The following LUZP2 variants were observed in gnomAD, a reference collection of about 807,000 sequenced individuals.
LUZP2 encodes the protein leucine zipper protein 2.
A neutral mutation model predicts 51.6 loss-of-function variants in LUZP2; 52 were observed. The observed-to-expected ratio is 1.01, with a 90% CI of 0.81 to 1.27. The LOEUF is 1.27. Ranked by LOEUF, LUZP2 falls within the 50% of genes most tolerant of loss-of-function variation. The pLI, the probability that LUZP2 is intolerant of heterozygous loss-of-function variation, is 0.00. For missense variants in LUZP2, 436 were observed against 395.4 expected, an observed-to-expected ratio of 1.10 and a Z score of -0.87; for synonymous variants, 154 against 137.3, an observed-to-expected ratio of 1.12 and a Z score of -0.85.
chr11:24,747,900 C>T (rs1050831181), intron 4 of LUZP2, among the ~76,000 whole-genome samples: 1 of 152,106 alleles, frequency 6.6e-6, no homozygotes, highest in Non-Finnish European at 1.5e-5. Flanking sequence ...GTCTCACTCC[C>T]ACCGTGTCCC....
rs66554611 is a variant in LUZP2, at chr11:24,619,005, ATTATTTATTTATTTAT to A, written c.63-110137_63-110122del. ...ATTTTTGTAATTCTAACCACTTAGC[ATTATTTATTTATTTAT>A]TTATTTATTTATTTATTTATTTATT... On this transcript the variant is annotated intron_variant, in intron 1 of 11. Transcript: ENST00000336930. Among the ~76,000 whole-genome samples the A allele has an allele frequency of 8.3e-4, 119 of 144,032 alleles. 2 individuals carry two copies. The highest frequency in any genetic ancestry group is 3.7e-3 in the Middle Eastern group (1 of 268). The allele number at this position is 144,032 out of a possible 152,430, so 94.5% of individuals were successfully genotyped here.
intron 9 of LUZP2, among the ~76,000 whole-genome samples, chr11:25,048,041 C>G (rs377306404): frequency 6.6e-6 from 1 of 152,096 alleles, no homozygotes; most frequent in East Asian, 1.9e-4. Context: ...GCACTCCTGA[C>G]CTCAAGAGAT....
chr11:24,981,222 T>TA, intron 8 of LUZP2, among the ~76,000 whole-genome samples: 1 of 151,792 alleles, frequency 6.6e-6, no homozygotes, highest in East Asian at 1.9e-4. Context: ...TCTGTTAAGT[T>TA]AGAGGAACTT....
intron 1 of LUZP2, among the ~76,000 whole-genome samples, chr11:24,598,856 C>T (rs891225578): frequency 6.6e-5 from 10 of 152,130 alleles, no homozygotes; most frequent in Non-Finnish European, 1.5e-4. Context: ...TTGTTGCCAA[C>T]ACTACAAGCC....
intron 10 of LUZP2, among the ~76,000 whole-genome samples, chr11:25,061,503 G>A (rs1858835905): frequency 6.6e-6 from 1 of 152,134 alleles, no homozygotes; most frequent in African/African-American, 2.4e-5. Context: ...TAGATCTCCT[G>A]TATAATTGAA....
At chr11:24,915,326 T>C (rs1259537150) in intron 7 of LUZP2, among the ~76,000 whole-genome samples, 2 of 152,064 alleles carry the variant, frequency 1.3e-5, no homozygotes, top group Non-Finnish European at 2.9e-5. Context: ...ATAACAACCC[T>C]CAACTTACTG....
chr11:24,513,420 A>G (rs1466944224), intron 1 of LUZP2, among the ~76,000 whole-genome samples: 1 of 152,170 alleles, frequency 6.6e-6, no homozygotes. Flanking sequence ...CATCAAGAGA[A>G]CGATATAGAT....
At chr11:24,964,149 A>G (rs942226418) in intron 7 of LUZP2, among the ~76,000 whole-genome samples, 1 of 152,110 alleles carries the variant, frequency 6.6e-6, no homozygotes, top group African/African-American at 2.4e-5. Context: ...TTCCCTTTTC[A>G]CCACATTCCT....
At position 24,575,639 on chromosome 11, in the gene LUZP2, T is replaced by C. The variant is rs537674090; in HGVS notation, c.62+78334T>C. Among the ~76,000 whole-genome samples, 7 of 152,302 alleles carry C rather than the reference T, an allele frequency of 4.6e-5. No individual in the cohort carries two copies. In the East Asian group the frequency reaches 1.4e-3, roughly 29 times the overall value. ...TTGATAATCTATTTAATCCCTGAAGTCTTCAATGAAGCACATTCTGTTATT... is the reference window on the plus strand; with the variant it reads ...TTGATAATCTATTTAATCCCTGAAGCCTTCAATGAAGCACATTCTGTTATT... On this transcript the variant is annotated intron_variant, in intron 1 of 11. Coordinates refer to ENST00000336930, the MANE Select transcript of LUZP2 (RefSeq NM_001009909.4).
chr11:24,926,806 G>A (rs1033238917), intron 7 of LUZP2, among the ~76,000 whole-genome samples: 6 of 151,370 alleles, frequency 4.0e-5, no homozygotes, highest in African/African-American at 1.5e-4. Context: ...TTCCTTTAAG[G>A]AATCCCCACA....
intron 1 of LUZP2, among the ~76,000 whole-genome samples, chr11:24,723,469 T>A (rs759299667): frequency 1.3e-5 from 2 of 152,194 alleles, no homozygotes; most frequent in Non-Finnish European, 2.9e-5. Flanking sequence ...AAGTCACAAG[T>A]GTCTATCAAC....
intron 5 of LUZP2, among the ~76,000 whole-genome samples, chr11:24,855,958 G>C (rs1851552971): frequency 6.6e-6 from 1 of 152,016 alleles, no homozygotes; most frequent in Non-Finnish European, 1.5e-5. Context: ...ATTGACTCAA[G>C]ATAGATTAAA....
chr11:24,817,005 C>T (rs952164408), intron 5 of LUZP2, among the ~76,000 whole-genome samples: 5 of 151,938 alleles, frequency 3.3e-5, no homozygotes, highest in African/African-American at 9.7e-5. Flanking sequence ...AATTTAGAAG[C>T]GTAAATTCTT....
chr11:24,511,714 G>T (rs751444393), intron 1 of LUZP2, among the ~76,000 whole-genome samples: 16 of 152,298 alleles, frequency 1.1e-4, no homozygotes, highest in Middle Eastern at 3.4e-3. Flanking sequence ...TTAGACATAT[G>T]AAGTACTTAA....
intron 9 of LUZP2, among the ~76,000 whole-genome samples, chr11:25,027,939 A>C (rs1041207856): frequency 8.5e-5 from 13 of 152,070 alleles, no homozygotes; most frequent in Admixed American, 8.5e-4. Flanking sequence ...GATAAAATCT[A>C]AGTTCCCCAG....
At chr11:24,999,078 C>A (rs1856596671) in intron 9 of LUZP2, among the ~76,000 whole-genome samples, 1 of 152,068 alleles carries the variant, frequency 6.6e-6, no homozygotes, top group Non-Finnish European at 1.5e-5. Flanking sequence ...TCATTGAGCC[C>A]TTATCACATT....
chr11:24,618,421 G>A (rs991865549), intron 1 of LUZP2, among the ~76,000 whole-genome samples: 1 of 151,970 alleles, frequency 6.6e-6, no homozygotes, highest in African/African-American at 2.4e-5. Flanking sequence ...CTGCCTACTG[G>A]GCCTTTGTTG....
At chr11:24,790,053 C>T (rs375517053) in intron 5 of LUZP2, among the ~76,000 whole-genome samples, 1 of 152,248 alleles carries the variant, frequency 6.6e-6, no homozygotes, top group South Asian at 2.1e-4. Flanking sequence ...ATACTCCACT[C>T]GTATGCAAGA....
At chr11:24,975,182 G>A (rs1354513138) in intron 7 of LUZP2, among the ~76,000 whole-genome samples, 1 of 151,996 alleles carries the variant, frequency 6.6e-6, no homozygotes, top group East Asian at 1.9e-4. Context: ...TCTTTTTAAA[G>A]AGAAGGATTT....
Sources: allele counts gnomAD v4.1 joint callset (sites outside exome capture counted in the v4.1 genomes callset), GRCh38; gene constraint gnomAD v4.1.1; transcripts MANE v1.5; gene names NCBI Gene and HGNC (gene_info 2026-07-23, HGNC 2026-07-21).